CAST: variants seen among roughly 807,000 people sequenced by gnomAD.
CAST encodes the protein MIR583 host.
CAST carries 76 observed loss-of-function variants against 119.6 expected under a neutral mutation model. That is an observed-to-expected ratio of 0.64 (90% confidence interval 0.53 to 0.77). The LOEUF (loss-of-function observed/expected upper bound fraction) is 0.77, where lower values mean the gene tolerates loss of function less well. CAST is among the 30% of genes least tolerant of loss of function. CAST has a pLI of 0.00. For synonymous variants in CAST, 319 were observed against 331.6 expected, an observed-to-expected ratio of 0.96 and a Z score of 0.41; for missense variants, 953 against 946.5, an observed-to-expected ratio of 1.01 and a Z score of -0.09.
chr5:96,494,516 T>C, the CAST span, among the ~76,000 whole-genome samples: 1 of 152,210 alleles, frequency 6.6e-6, no homozygotes, highest in Non-Finnish European at 1.5e-5. Flanking sequence ...ACTCTTGATA[T>C]TCTTTAGCAA....
intron 1 of CAST, among the ~76,000 whole-genome samples, chr5:96,633,286 A>G (rs1363739460): frequency 6.6e-6 from 1 of 152,166 alleles, no homozygotes; most frequent in South Asian, 2.1e-4. Flanking sequence ...CATTCTATAG[A>G]TCAATTTAAA....
chr5:96,214,978 G>A, the CAST span: 1 of 152,200 alleles, frequency 6.6e-6, no homozygotes, highest in Non-Finnish European at 1.5e-5. Context: ...CTGCCAGGAA[G>A]AAGAGAGTGC....
the CAST span, among the ~76,000 whole-genome samples, chr5:96,185,421 C>T: frequency 4.9e-4 from 74 of 152,218 alleles, no homozygotes; most frequent in Middle Eastern, 3.4e-3. Context: ...GAAATCTTTG[C>T]CCATGCCTAT....
the CAST span, among the ~76,000 whole-genome samples, chr5:96,000,564 C>T: frequency 6.6e-6 from 1 of 152,114 alleles, no homozygotes; most frequent in East Asian, 1.9e-4. Context: ...TTTCCAGCTT[C>T]AAGTATAGTC....
chr5:96,104,944 C>G, the CAST span, among the ~76,000 whole-genome samples: 2 of 85,164 alleles, frequency 2.3e-5, no homozygotes, highest in African/African-American at 9.6e-5. Flanking sequence ...TTGAAGAGGT[C>G]CTTCACATCC....
At chr5:96,251,771 A>G in the CAST span, among the ~76,000 whole-genome samples, 1 of 152,138 alleles carries the variant, frequency 6.6e-6, no homozygotes, top group Admixed American at 6.6e-5. Flanking sequence ...AGGTAATGTA[A>G]TTAGTAACTG....
rs112876748 is a variant in CAST, at chr5:96,768,258, A to AT, written c.2268+266dup. On this transcript the variant is annotated intron_variant, in intron 29 of 31. Coordinates refer to ENST00000675179, the MANE Select transcript of CAST (RefSeq NM_001750.7). Reference sequence around the variant, plus strand: ...ACCACCACACCCAGCTAATTTTTGTATTTTTTTGTAGAGAGGGGGTTTCGC... The same window carrying AT: ...ACCACCACACCCAGCTAATTTTTGTATTTTTTTTGTAGAGAGGGGGTTTCGC... The AT allele has an allele frequency of 5.0e-3, 2,258 of 449,354 alleles. 48 individuals are homozygous for AT. The highest frequency in any genetic ancestry group is 0.042 in the African/African-American group (2,069 of 49,422). The allele number at this position is 449,354 out of a possible 1,614,324, so 27.8% of individuals were successfully genotyped here.
chr5:96,540,473 G>GA (rs1580816159), intron 1 of CAST, among the ~76,000 whole-genome samples: 1 of 151,920 alleles, frequency 6.6e-6, no homozygotes. Context: ...TAGATTTATA[G>GA]AAAAAATAAG....
At chr5:96,144,925 G>C in the CAST span, among the ~76,000 whole-genome samples, 1 of 152,130 alleles carries the variant, frequency 6.6e-6, no homozygotes, top group African/African-American at 2.4e-5. Context: ...GGGTTCTGGA[G>C]ATAGAGAGAT....
At chr5:96,583,235 T>A (rs576942894) in intron 1 of CAST, among the ~76,000 whole-genome samples, 189 of 152,042 alleles carry the variant, frequency 1.2e-3, no homozygotes, top group Non-Finnish European at 1.8e-3. Context: ...TTTTACTGTA[T>A]TTTTTTGGCT....
chr5:96,430,606 G>C, the CAST span, among the ~76,000 whole-genome samples: 1 of 152,088 alleles, frequency 6.6e-6, no homozygotes, highest in Admixed American at 6.5e-5. Flanking sequence ...ACCCAATATA[G>C]TAATGCTAAA....
At chr5:96,397,588 A>G in the CAST span, 19 of 908,368 alleles carry the variant, frequency 2.1e-5, no homozygotes, top group South Asian at 2.1e-4. Flanking sequence ...TTTCTCTTTT[A>G]GTATAAGACC....
chr5:96,410,235 T>C, the CAST span, among the ~76,000 whole-genome samples: 2 of 152,112 alleles, frequency 1.3e-5, no homozygotes, highest in South Asian at 2.1e-4. Flanking sequence ...TCTCTGAGCA[T>C]ACGACCTCCC....
intron 9 of CAST, among the ~76,000 whole-genome samples, chr5:96,732,092 G>T (rs151926): frequency 0.7 from 96,180 of 137,680 alleles, 33,926 homozygotes; most frequent in Admixed American, 0.77. Flanking sequence ...ACTTCCACAA[G>T]GGTTGAACTA....
At chr5:96,128,957 C>A in the CAST span, among the ~76,000 whole-genome samples, 1 of 152,018 alleles carries the variant, frequency 6.6e-6, no homozygotes, top group Non-Finnish European at 1.5e-5. Context: ...TTCAGTTAGA[C>A]CTTTCATTAT....
chr5:96,247,216 G>A, the CAST span, among the ~76,000 whole-genome samples: 1 of 152,182 alleles, frequency 6.6e-6, no homozygotes, highest in Non-Finnish European at 1.5e-5. Context: ...ATCTTTGCAG[G>A]CGGTGGTACT....
chr5:96,173,514 C>T, the CAST span, among the ~76,000 whole-genome samples: 1 of 152,048 alleles, frequency 6.6e-6, no homozygotes, highest in Non-Finnish European at 1.5e-5. Context: ...AATTGGAATA[C>T]CCTCATGTAG....
the CAST span, among the ~76,000 whole-genome samples, chr5:96,304,349 G>A: frequency 6.6e-6 from 1 of 152,068 alleles, no homozygotes; most frequent in Admixed American, 6.6e-5. Context: ...CTGGATATTA[G>A]CCCTTTGTCA....
chr5:96,552,650 A>G (rs929680354), intron 1 of CAST, among the ~76,000 whole-genome samples: 1 of 152,034 alleles, frequency 6.6e-6, no homozygotes, highest in East Asian at 1.9e-4. Context: ...GAAAAGATCA[A>G]CAAAATAGAC....
Sources: allele counts gnomAD v4.1 joint callset (sites outside exome capture counted in the v4.1 genomes callset), GRCh38; gene constraint gnomAD v4.1.1; transcripts MANE v1.5; gene names NCBI Gene and HGNC (gene_info 2026-07-23, HGNC 2026-07-21).